ME3: variants seen among roughly 807,000 people sequenced by gnomAD.
ME3 encodes NADP-dependent malic enzyme, mitochondrial.
ME3 carries 48 observed loss-of-function variants against 68.9 expected under a neutral mutation model. The observed-to-expected ratio is 0.70, with a 90% CI of 0.55 to 0.89. ME3 has a LOEUF of 0.89. Among genes scored for constraint, ME3 ranks in the 40% least tolerant of loss-of-function variants. The probability of loss-of-function intolerance (pLI) is 0.00; values close to 1 mark genes in which losing one functional copy is unlikely to be tolerated. For missense variants in ME3, 675 were observed against 797.4 expected (o/e 0.85, Z 1.85); for synonymous variants, 320 against 318.8 (o/e 1.00, Z -0.04).
intron 7 of ME3, among the ~76,000 whole-genome samples, chr11:86,485,457 T>C (rs1951630013): frequency 6.6e-6 from 1 of 152,228 alleles, no homozygotes; most frequent in African/African-American, 2.4e-5. Flanking sequence ...CCTCTATTAA[T>C]GCAGCTGACC....
chr11:86,597,313 C>A (rs1443433059), intron 2 of ME3, among the ~76,000 whole-genome samples: 3 of 152,248 alleles, frequency 2.0e-5, no homozygotes, highest in African/African-American at 7.2e-5. Context: ...GAGTTCCTTA[C>A]AGTATCCCCG....
At chr11:86,596,571 C>G (rs1959489027) in intron 2 of ME3, among the ~76,000 whole-genome samples, 1 of 152,192 alleles carries the variant, frequency 6.6e-6, no homozygotes, top group African/African-American at 2.4e-5. Context: ...CTCCTTCTCC[C>G]TTACTCTCAA....
intron 2 of ME3, among the ~76,000 whole-genome samples, chr11:86,640,025 C>T (rs1243816365): frequency 1.3e-5 from 2 of 152,268 alleles, no homozygotes; most frequent in Middle Eastern, 3.4e-3. Context: ...TCACCTTCGG[C>T]CTCAAGGCAA....
At chr11:86,652,793 G>A (rs1270794716) in intron 2 of ME3, among the ~76,000 whole-genome samples, 3 of 152,092 alleles carry the variant, frequency 2.0e-5, no homozygotes, top group South Asian at 2.1e-4. Context: ...GAAAGACACA[G>A]ACTGGCAAAT....
intron 7 of ME3, among the ~76,000 whole-genome samples, chr11:86,478,365 A>T (rs1384325126): frequency 1.3e-5 from 2 of 151,610 alleles, no homozygotes; most frequent in East Asian, 3.9e-4. Context: ...AAGAAAAGCA[A>T]TAGGCCATTT....
intron 2 of ME3, chr11:86,622,875 A>G (rs1392729338): frequency 1.3e-5 from 2 of 151,320 alleles, no homozygotes; most frequent in Non-Finnish European, 2.9e-5. Context: ...TGTTTCCTGC[A>G]CTGTTAAGAG....
At chr11:86,533,123 G>T (rs916929839) in intron 4 of ME3, among the ~76,000 whole-genome samples, 1 of 150,072 alleles carries the variant, frequency 6.7e-6, no homozygotes, top group Non-Finnish European at 1.5e-5. Flanking sequence ...AAAAAACTGA[G>T]CCCAAAGTTA....
chr11:86,650,146 T>C (rs1341175471), intron 2 of ME3, among the ~76,000 whole-genome samples: 2 of 152,058 alleles, frequency 1.3e-5, no homozygotes, highest in African/African-American at 2.4e-5. Context: ...ACCTCAGAAA[T>C]AATACCACAT....
intron 4 of ME3, among the ~76,000 whole-genome samples, chr11:86,525,016 T>C (rs567299639): frequency 6.6e-6 from 1 of 152,338 alleles, no homozygotes; most frequent in Non-Finnish European, 1.5e-5. Context: ...TGAGAAAAGA[T>C]GTGTGTGTCT....
At chr11:86,475,651 A>G (rs1951017717) in intron 7 of ME3, among the ~76,000 whole-genome samples, 1 of 151,990 alleles carries the variant, frequency 6.6e-6, no homozygotes, top group Admixed American at 6.6e-5. Flanking sequence ...AGCTTTTCTC[A>G]TTATCTGGCC....
At chr11:86,474,532 C>A (rs942584060) in intron 7 of ME3, among the ~76,000 whole-genome samples, 1 of 152,208 alleles carries the variant, frequency 6.6e-6, no homozygotes, top group African/African-American at 2.4e-5. Context: ...TCCTCAACCT[C>A]CTGCTTATAA....
intron 7 of ME3, among the ~76,000 whole-genome samples, chr11:86,469,090 G>A (rs962027957): frequency 7.9e-5 from 12 of 152,142 alleles, no homozygotes; most frequent in Non-Finnish European, 1.5e-5. Flanking sequence ...AGGTAATAAG[G>A]CTGGATTTCT....
intron 5 of ME3, among the ~76,000 whole-genome samples, chr11:86,500,605 A>G (rs938121120): frequency 2.6e-5 from 4 of 152,228 alleles, no homozygotes; most frequent in African/African-American, 9.6e-5. Context: ...TGAACTGTCC[A>G]TAGAATAGAG....
At chr11:86,647,485 A>C (rs1945098907) in intron 2 of ME3, among the ~76,000 whole-genome samples, 1 of 139,724 alleles carries the variant, frequency 7.2e-6, no homozygotes, top group Non-Finnish European at 1.6e-5. Context: ...ACTCCATCTC[A>C]AAAAAGAAAA....
Position 86,576,053 on chromosome 11 carries a change from T to G in ME3, c.184-16230A>C, listed in dbSNP as rs1257214286. 3.3e-5 allele frequency among the ~76,000 whole-genome samples: 5 copies of G among 152,230 alleles called. No homozygotes were observed. In the East Asian group the frequency reaches 9.6e-4, roughly 29 times the overall value. On this transcript the variant is annotated intron_variant, in intron 2 of 14. Transcript: ENST00000543262. ...AGTTTGCTCATCGACAAAGCTGGAA[T>G]AATAATCCCTGCTTCAAATGCTGAT...
intron 2 of ME3, among the ~76,000 whole-genome samples, chr11:86,595,920 A>T (rs1172345165): frequency 6.6e-6 from 1 of 152,226 alleles, no homozygotes; most frequent in Non-Finnish European, 1.5e-5. Context: ...CAGACACTCT[A>T]ATATGGTCCA....
intron 7 of ME3, among the ~76,000 whole-genome samples, chr11:86,471,860 C>G (rs1950799381): frequency 6.6e-6 from 1 of 152,180 alleles, no homozygotes; most frequent in African/African-American, 2.4e-5. Context: ...AGGGACTGTA[C>G]TACTTGCTAA....
chr11:86,583,664 T>C (rs1215554416), intron 2 of ME3, among the ~76,000 whole-genome samples: 1 of 152,120 alleles, frequency 6.6e-6, no homozygotes, highest in Non-Finnish European at 1.5e-5. Flanking sequence ...GTGTTGGGAA[T>C]GGTATGTGAT....
downstream of ME3, among the ~76,000 whole-genome samples, chr11:86,440,484 C>A (rs529955563): frequency 7.9e-5 from 12 of 152,280 alleles, no homozygotes; most frequent in Admixed American, 2.6e-4. Context: ...GAAATCAAGT[C>A]TTCCCTAGAT....
Sources: gnomAD v4.1 joint callset for allele counts (sites outside exome capture counted in the v4.1 genomes callset) on GRCh38, gnomAD v4.1.1 for gene constraint, MANE v1.5 for transcripts, NCBI Gene and HGNC (gene_info 2026-07-23, HGNC 2026-07-21) for gene names.